The following ANTXR1 variants were observed in gnomAD, a reference collection of about 807,000 sequenced individuals.
The protein encoded by ANTXR1 is anthrax toxin receptor 1.
ANTXR1 carries 19 observed loss-of-function variants against 78.1 expected under a neutral mutation model. The observed-to-expected ratio is 0.24, with a 90% CI of 0.17 to 0.36. The LOEUF (loss-of-function observed/expected upper bound fraction) is 0.36, where lower values mean the gene tolerates loss of function less well. Among genes scored for constraint, ANTXR1 ranks in the 10% least tolerant of loss-of-function variants. The probability of loss-of-function intolerance (pLI) is 1.00; values close to 1 mark genes in which losing one functional copy is unlikely to be tolerated. For missense variants in ANTXR1, 518 were observed against 718.6 expected (o/e 0.72, Z 3.19); for synonymous variants, 273 against 260.5 (o/e 1.05, Z -0.46).
chr2:69,015,996 G>T lies in ANTXR1; in HGVS notation c.152+2345G>T, dbSNP rs796624635. ...AATCAAACAATATGATTTTTATTAGGTTGGCAAAAACTTTTTTAAAAATTA... is the reference window on the plus strand; with the variant it reads ...AATCAAACAATATGATTTTTATTAGTTTGGCAAAAACTTTTTTAAAAATTA... On this transcript the variant is annotated intron_variant, in intron 1 of 17. Transcript: ENST00000303714. Among the ~76,000 whole-genome samples, 28 of 152,268 alleles carry T rather than the reference G, an allele frequency of 1.8e-4. 1 individual carries two copies. Among genetic ancestry groups the T allele is most frequent in the African/African-American group, 6.7e-4 (28 of 41,554 alleles).
chr2:69,091,445 CAAAAAAAA>C (rs60795933), intron 9 of ANTXR1, among the ~76,000 whole-genome samples: 12 of 62,328 alleles, frequency 1.9e-4, no homozygotes, highest in South Asian at 8.9e-4. Context: ...GACACCATCT[CAAAAAAAA>C]AAAAAAAAAA....
intron 17 of ANTXR1, among the ~76,000 whole-genome samples, chr2:69,225,647 G>A (rs1027026682): frequency 1.3e-5 from 2 of 152,106 alleles, no homozygotes; most frequent in African/African-American, 4.8e-5. Context: ...GGGTAGGGGA[G>A]AAGCAAGGGA....
chr2:69,188,968 T>G (rs1483267421), intron 16 of ANTXR1, among the ~76,000 whole-genome samples: 1 of 152,262 alleles, frequency 6.6e-6, no homozygotes, highest in Non-Finnish European at 1.5e-5. Flanking sequence ...GCCTTTGTCA[T>G]GCAGTGCTCA....
intron 12 of ANTXR1, among the ~76,000 whole-genome samples, chr2:69,139,794 G>C (rs770220299): frequency 2.6e-5 from 4 of 152,120 alleles, no homozygotes; most frequent in Non-Finnish European, 5.9e-5. Flanking sequence ...CAGACCAATT[G>C]AGCATATACA....
chr2:69,110,589 T>C (rs1039550177), intron 10 of ANTXR1, among the ~76,000 whole-genome samples: 7 of 152,192 alleles, frequency 4.6e-5, no homozygotes, highest in African/African-American at 1.7e-4. Context: ...CCGGGCGCGG[T>C]GGCTCACGCC....
chr2:69,046,544 CA>C (rs1312636660), intron 3 of ANTXR1, among the ~76,000 whole-genome samples: 1 of 152,100 alleles, frequency 6.6e-6, no homozygotes, highest in Non-Finnish European at 1.5e-5. Flanking sequence ...AAACAACAGC[CA>C]AAAATGCCTT....
chr2:69,203,459 A>C (rs1046165153), intron 17 of ANTXR1, among the ~76,000 whole-genome samples: 3 of 152,208 alleles, frequency 2.0e-5, no homozygotes, highest in Non-Finnish European at 4.4e-5. Context: ...CACAGCAAAA[A>C]CCAACTGTAC....
intron 1 of ANTXR1, among the ~76,000 whole-genome samples, chr2:69,025,606 T>C (rs1220930836): frequency 2.0e-5 from 3 of 151,728 alleles, no homozygotes; most frequent in African/African-American, 7.3e-5. Flanking sequence ...AGAAATTATA[T>C]AGTAAATAAG....
At chr2:69,231,991 C>G (rs985458404) in intron 17 of ANTXR1, among the ~76,000 whole-genome samples, 9 of 152,096 alleles carry the variant, frequency 5.9e-5, no homozygotes, top group Admixed American at 5.9e-4. Flanking sequence ...CTACCACCAC[C>G]ACAAACAGGA....
In ANTXR1 at chr2:69,013,273, G is replaced by A; in HGVS notation, c.-227G>A. Reference sequence around the variant, plus strand: ...GCCCTCCCCTTTAAAAGAAGCGGAGGACAGGATTGGGATCCTTGAAACCCG... The same window carrying A: ...GCCCTCCCCTTTAAAAGAAGCGGAGAACAGGATTGGGATCCTTGAAACCCG... On this transcript the variant is annotated 5_prime_UTR_variant, in exon 1 of 18. Transcript: ENST00000303714. This position sits in a 1 kb window ranked among gnomAD's most constrained non-coding sequence, Gnocchi z 5.0. 1.5e-6 allele frequency: 1 copy of A among 648,560 alleles called. No homozygotes were observed. Among genetic ancestry groups the A allele is most frequent in the South Asian group, 1.9e-5 (1 of 52,664 alleles). 40.2% of individuals were successfully genotyped at this position (648,560 alleles called of 1,614,324 possible).
In ANTXR1 at chr2:69,013,669, T is replaced by TC. The variant is rs200181645; in HGVS notation, c.152+25dup. The TC allele has an allele frequency of 2.8e-3, 4,311 of 1,551,014 alleles. 96 individuals are homozygous for TC. In the African/African-American group the frequency reaches 0.046, roughly 16 times the overall value. ...TTGGACAAGTAAGTGCCGCGAGTTG[T>TC]CCCCCCCACCCCAGGCTAAGCGGGC... On this transcript the variant is annotated intron_variant, in intron 1 of 17. Transcript: ENST00000303714. This position sits in a 1 kb window ranked among gnomAD's most constrained non-coding sequence, Gnocchi z 5.0.
At position 69,077,217 on chromosome 2, in the gene ANTXR1, TC is replaced by T. The variant is rs1178719634; in HGVS notation, c.562-189del. 5 of 631,744 alleles carry T rather than the reference TC, an allele frequency of 7.9e-6. No homozygotes were observed. In the East Asian group the frequency reaches 1.4e-4, roughly 17 times the overall value. The allele number at this position is 631,744 out of a possible 1,614,324, so 39.1% of individuals were successfully genotyped here. On this transcript the variant is annotated intron_variant, in intron 7 of 17. Coordinates refer to ENST00000303714, the MANE Select transcript of ANTXR1 (RefSeq NM_032208.3). ...AAGCTGGAGCCAACCCTTGGCCTGC[TC>T]CAGAGAGGCCACTGGTGAGCTTGTT...
chr2:69,245,641 C>A lies in ANTXR1; in HGVS notation c.*156C>A. ...CCAGTATACCAACAATCATGATCAG[C>A]TGAAAGAAACAGATATTTTAAATTG... is the stretch of plus-strand genomic sequence containing the variant. On this transcript the variant is annotated 3_prime_UTR_variant, in exon 18 of 18. Coordinates refer to ENST00000303714, the MANE Select transcript of ANTXR1 (RefSeq NM_032208.3). The A allele has an allele frequency of 9.8e-7, 1 of 1,023,812 alleles. No individual in the cohort carries two copies. The highest frequency in any genetic ancestry group is 1.4e-6 in the Non-Finnish European group (1 of 700,586). The allele number at this position is 1,023,812 out of a possible 1,614,324, so 63.4% of individuals were successfully genotyped here. A position where few individuals can be genotyped will look rare whatever the true frequency, so the allele number is the denominator to read the frequency against.
intron 3 of ANTXR1, among the ~76,000 whole-genome samples, chr2:69,050,901 G>A (rs1558743036): frequency 6.6e-6 from 1 of 151,968 alleles, no homozygotes; most frequent in Non-Finnish European, 1.5e-5. Flanking sequence ...TTTATATATT[G>A]TTAGATTTTA....
chr2:69,013,330 G>C lies in ANTXR1; in HGVS notation c.-170G>C, dbSNP rs1670919588. 4.6e-6 allele frequency: 4 copies of C among 877,654 alleles called. No homozygotes were observed. In the South Asian group the frequency reaches 4.7e-5, roughly 10 times the overall value. The allele number at this position is 877,654 out of a possible 1,614,324, so 54.4% of individuals were successfully genotyped here. On this transcript the variant is annotated 5_prime_UTR_variant, in exon 1 of 18. Coordinates refer to ENST00000303714, the MANE Select transcript of ANTXR1 (RefSeq NM_032208.3). The surrounding 1 kb of genome is among the most constrained non-coding windows in gnomAD (Gnocchi z 5.0). ...AGAAACAGCATCGGAGCGGAAACCA[G>C]AGGGGAAACCTTGAACTCCTCCAGA...
At chr2:69,089,979 G>T (rs1356965901) in intron 8 of ANTXR1, among the ~76,000 whole-genome samples, 1 of 152,146 alleles carries the variant, frequency 6.6e-6, no homozygotes, top group Admixed American at 6.5e-5. Flanking sequence ...CCCCACTCTA[G>T]CCAGCAAAAG....
rs772508577 is a variant in ANTXR1 at position 69,152,160 on chromosome 2, G to T, written c.952-9G>T. The T allele has an allele frequency of 6.2e-7, 1 of 1,613,698 alleles. No individual in the cohort carries two copies. The highest frequency in any genetic ancestry group is 8.5e-7 in the Non-Finnish European group (1 of 1,179,892). On this transcript the variant is annotated splice_polypyrimidine_tract_variant and intron_variant, in intron 12 of 17. Coordinates refer to ENST00000303714, the MANE Select transcript of ANTXR1 (RefSeq NM_032208.3). Reference sequence around the variant, plus strand: ...CCCGCTGCTGACCGCCTCTCTCTTGGCCCTGCAGTCTGACGGTTCCATCCT... The same window carrying T: ...CCCGCTGCTGACCGCCTCTCTCTTGTCCCTGCAGTCTGACGGTTCCATCCT...
intron 17 of ANTXR1, among the ~76,000 whole-genome samples, chr2:69,233,425 TTAGAAAA>T (rs1433036227): frequency 4.0e-5 from 6 of 151,794 alleles, no homozygotes; most frequent in Non-Finnish European, 7.4e-5. Context: ...ATAATTTTTA[TTAGAAAA>T]AAATTTATAA....
intron 1 of ANTXR1, among the ~76,000 whole-genome samples, chr2:69,020,461 A>T (rs1671151416): frequency 6.6e-6 from 1 of 152,022 alleles, no homozygotes; most frequent in Non-Finnish European, 1.5e-5. Context: ...AACTACCTCT[A>T]CTTTATTTAG....
Sources: allele counts gnomAD v4.1 joint callset (sites outside exome capture counted in the v4.1 genomes callset), GRCh38; gene constraint gnomAD v4.1.1; non-coding constraint Gnocchi (gnomAD v3.1); transcripts MANE v1.5; gene names NCBI Gene and HGNC (gene_info 2026-07-23, HGNC 2026-07-21).